Variants in UBA6 observed in about 807,000 individuals in gnomAD.
UBA6 encodes ubiquitin-like modifier-activating enzyme 6.
UBA6 carries 87 observed loss-of-function variants against 148.3 expected under a neutral mutation model. The ratio of observed to expected loss-of-function variants is 0.59; its 90% CI spans 0.49 to 0.70. The LOEUF (loss-of-function observed/expected upper bound fraction) is 0.70, where lower values mean the gene tolerates loss of function less well. Ranked by LOEUF, UBA6 falls within the 30% of genes least tolerant of loss-of-function variation. The pLI is 0.00. For synonymous variants in UBA6, 376 were observed against 401.0 expected (o/e 0.94, Z 0.75); for missense variants, 1,186 against 1,241.2 (o/e 0.96, Z 0.67).
intron 2 of UBA6, among the ~76,000 whole-genome samples, chr4:67,684,993 G>C (rs898571451): frequency 1.3e-5 from 2 of 152,106 alleles, no homozygotes; most frequent in African/African-American, 4.8e-5. Flanking sequence ...AGTCAATCCA[G>C]GCAGTCTAGC....
intron 17 of UBA6, among the ~76,000 whole-genome samples, chr4:67,641,558 T>G (rs1369231721): frequency 6.6e-6 from 1 of 152,190 alleles, no homozygotes; most frequent in Non-Finnish European, 1.5e-5. Context: ...CTAGCTCTTC[T>G]TTCTAAACTG....
At position 67,622,795 on chromosome 4, in the gene UBA6, T is replaced by C. The variant is rs371252323; in HGVS notation, c.3023+36A>G. ...AGTGTGCATCAACTTACATTTAAAT[T>C]CTTGTTAATCGCTGCATATAATGTT... On this transcript the variant is annotated intron_variant, in intron 32 of 32. Transcript: ENST00000322244. The C allele has an allele frequency of 5.5e-6, 8 of 1,450,732 alleles. No homozygotes were observed. In the African/African-American group the frequency reaches 1.1e-4, roughly 21 times the overall value. The allele number at this position is 1,450,732 out of a possible 1,614,324, so 89.9% of individuals were successfully genotyped here.
At chr4:67,689,758 T>C (rs1730652660) in intron 2 of UBA6, among the ~76,000 whole-genome samples, 1 of 142,936 alleles carries the variant, frequency 7.0e-6, no homozygotes, top group Non-Finnish European at 1.6e-5. Context: ...ATCCTTAGTT[T>C]TGGTTCCTGC....
intron 1 of UBA6, among the ~76,000 whole-genome samples, chr4:67,699,224 A>G (rs13127883): frequency 0.2 from 30,750 of 152,088 alleles, 3,363 homozygotes; most frequent in Middle Eastern, 0.3. Context: ...AGATCAATAT[A>G]CTGGCAGAAG....
chr4:67,617,382 T>C lies in UBA6; in HGVS notation c.*1615A>G, dbSNP rs553385187. 2 of 152,268 alleles carry C rather than the reference T, an allele frequency of 1.3e-5. No homozygotes were observed. The highest frequency in any genetic ancestry group is 6.5e-5 in the Admixed American group (1 of 15,282). The allele number at this position is 152,268 out of a possible 1,614,324, so 9.4% of individuals were successfully genotyped here. The stretch of plus-strand genomic sequence containing the variant: ...TTTTAAGTAACCTTAGTTTTAAATA[T>C]GACACTTGGGATATGCACAATGGGA... On this transcript the variant is annotated 3_prime_UTR_variant, in exon 33 of 33. Transcript: ENST00000322244.
chr4:67,691,480 G>T (rs1429528074), intron 2 of UBA6, among the ~76,000 whole-genome samples: 4 of 152,158 alleles, frequency 2.6e-5, no homozygotes, highest in Non-Finnish European at 5.9e-5. Context: ...TCTGGTTAAA[G>T]CACATGTGAC....
At chr4:67,641,443 C>A (rs1204212486) in intron 17 of UBA6, among the ~76,000 whole-genome samples, 1 of 152,106 alleles carries the variant, frequency 6.6e-6, no homozygotes. Flanking sequence ...GCACATCAAA[C>A]AAAATAGCTG....
At chr4:67,680,797 C>T (rs181601382) in intron 4 of UBA6, among the ~76,000 whole-genome samples, 46 of 152,302 alleles carry the variant, frequency 3.0e-4, no homozygotes, top group African/African-American at 1.1e-3. Flanking sequence ...TACTTGTTTA[C>T]TCTGATGAAG....
chr4:67,692,233 C>T (rs1286490901), intron 2 of UBA6, among the ~76,000 whole-genome samples: 1 of 152,078 alleles, frequency 6.6e-6, no homozygotes, highest in Admixed American at 6.5e-5. Context: ...GATCAAGAGG[C>T]AGCAATGAGT....
chr4:67,623,290 A>AC lies in UBA6; in HGVS notation c.2841-69_2841-68insG, dbSNP rs569206548. The AC allele has an allele frequency of 1.1e-3, 1,195 of 1,096,486 alleles. 2 individuals carry two copies. Among genetic ancestry groups the AC allele is most frequent in the Non-Finnish European group, 1.4e-3 (1,071 of 750,648 alleles). The allele number at this position is 1,096,486 out of a possible 1,614,324, so 67.9% of individuals were successfully genotyped here. On this transcript the variant is annotated intron_variant, in intron 30 of 32. Transcript: ENST00000322244. ...TTCCTTTTAGTGATGACACACACAC[A>AC]AAAAAAACCCACTTTCAGAAGTCCA...
chr4:67,684,676 G>C (rs981134169), intron 2 of UBA6, among the ~76,000 whole-genome samples: 8 of 152,102 alleles, frequency 5.3e-5, no homozygotes, highest in Non-Finnish European at 1.0e-4. Context: ...TAATCATGTT[G>C]ATGAAATCTA....
At chr4:67,630,784 A>G (rs1383456992) in intron 25 of UBA6, among the ~76,000 whole-genome samples, 4 of 152,288 alleles carry the variant, frequency 2.6e-5, no homozygotes, top group Non-Finnish European at 5.9e-5. Context: ...GATCATGACT[A>G]CCTTGGGAAG....
chr4:67,667,886 C>T lies in UBA6; in HGVS notation c.793+665G>A, dbSNP rs17633918. ...CCCCTTCAACTTCTTGCGAACAAAC[C>T]TACAAACTTGCCTGCAGACACGACA... On this transcript the variant is annotated intron_variant, in intron 9 of 32. Transcript: ENST00000322244. Among the ~76,000 whole-genome samples the T allele has an allele frequency of 5.5e-3, 844 of 152,250 alleles. 4 individuals are homozygous for T. The highest frequency in any genetic ancestry group is 0.013 in the Admixed American group (197 of 15,290).
chr4:67,634,267 T>G lies in UBA6; in HGVS notation c.1988A>C (p.Tyr663Ser), dbSNP rs145837626. ...CTGTAAGACTTCTTCTGCAGATGAA[T>G]AGGTTTGCCAAAATTTGTTAAACAA... ...PSLFNKFWQTYSSAEEVLQKI... is the reference protein window; with the variant it reads ...PSLFNKFWQTSSSAEEVLQKI... The change falls in exon 22 of 33, where the codon TAT (tyrosine) becomes TCT (serine). Residue 663 changes from tyrosine to serine, a missense_variant. Tyr to Ser is a moderately radical substitution (Grantham distance 144). Transcript: ENST00000322244. The G allele has an allele frequency of 7.5e-6, 12 of 1,597,148 alleles. No individual in the cohort carries two copies. The highest frequency in any genetic ancestry group is 1.0e-5 in the Non-Finnish European group (12 of 1,175,690).
intron 9 of UBA6, among the ~76,000 whole-genome samples, chr4:67,667,205 CAG>C (rs10548768): frequency 0.22 from 34,087 of 151,802 alleles, 3,989 homozygotes; most frequent in Middle Eastern, 0.3. Flanking sequence ...TAATAAAAAA[CAG>C]ATATATTATT....
At chr4:67,623,955 A>T (rs1004155334) in intron 30 of UBA6, among the ~76,000 whole-genome samples, 171 bp downstream of exon 30, 35 of 152,126 alleles carry the variant, frequency 2.3e-4, no homozygotes, top group African/African-American at 8.4e-4. Context: ...TGGCTACTTT[A>T]GTCAGAAATA....
intron 2 of UBA6, among the ~76,000 whole-genome samples, chr4:67,682,801 G>C (rs1730473799): frequency 6.6e-6 from 1 of 152,158 alleles, no homozygotes; most frequent in African/African-American, 2.4e-5. Context: ...AGAACAATGA[G>C]AAACTTGATG....
At chr4:67,642,648 A>G (rs1729334225) in intron 17 of UBA6, among the ~76,000 whole-genome samples, 1 of 152,088 alleles carries the variant, frequency 6.6e-6, no homozygotes, top group African/African-American at 2.4e-5. Flanking sequence ...TTTCCATTAC[A>G]CTATGAAGAT....
chr4:67,665,412 TG>T, intron 9 of UBA6, 120 bp from the exon 10 acceptor site: 11 of 570,834 alleles, frequency 1.9e-5, no homozygotes, highest in East Asian at 1.4e-4. Flanking sequence ...TCCAGCATAG[TG>T]TTTTTTTTTG....
Sources: allele counts gnomAD v4.1 joint callset (sites outside exome capture counted in the v4.1 genomes callset), GRCh38; gene constraint gnomAD v4.1.1; transcripts MANE v1.5; gene names NCBI Gene and HGNC (gene_info 2026-07-23, HGNC 2026-07-21).